APOOL: variants seen among roughly 807,000 people sequenced by gnomAD.
APOOL encodes the protein MICOS complex subunit MIC27.
In APOOL, 12 loss-of-function variants were observed where a neutral mutation model predicts 23.1. That is an observed-to-expected ratio of 0.52 (90% confidence interval 0.33 to 0.84). APOOL has a LOEUF of 0.84. APOOL is among the 40% of genes least tolerant of loss of function. The pLI is 0.02. For missense variants in APOOL, 212 were observed against 199.6 expected, an observed-to-expected ratio of 1.06 and a Z score of -0.37; for synonymous variants, 77 against 69.9, an observed-to-expected ratio of 1.10 and a Z score of -0.51.
rs1473745439 is a variant in APOOL at position 85,019,587 on chromosome X, G to A, written c.15+15660G>A. 4.5e-5 allele frequency among the ~76,000 whole-genome samples: 5 copies of A among 112,280 alleles called. No homozygotes were observed. The East Asian group carries it at 1.4e-3, about 32-fold the overall frequency. ...AGTGCTTAAGGCACAGGTATTTGGA[G>A]TAGCAGCTGACGTGAGGATCTGTGG... On this transcript the variant is annotated intron_variant, in intron 1 of 8. Transcript: ENST00000373173.
chrX:85,010,046 T>C (rs1326108516), intron 1 of APOOL, among the ~76,000 whole-genome samples: 2 of 111,640 alleles, frequency 1.8e-5, no homozygotes, highest in African/African-American at 6.5e-5. Context: ...TCCAATCTGT[T>C]ATTGGTGAAC....
At chrX:85,065,155 C>T (rs1262026431) in intron 5 of APOOL, among the ~76,000 whole-genome samples, 1 of 111,139 alleles carries the variant, frequency 9.0e-6, no homozygotes, top group African/African-American at 3.3e-5. Flanking sequence ...TGTTTTTTGA[C>T]ATCTGTTGGT....
intron 1 of APOOL, among the ~76,000 whole-genome samples, chrX:85,008,192 A>G (rs1921142299): frequency 9.0e-6 from 1 of 111,612 alleles, no homozygotes; most frequent in African/African-American, 3.3e-5. Flanking sequence ...ATGATTTGAT[A>G]TACATATATT....
intron 1 of APOOL, among the ~76,000 whole-genome samples, chrX:85,035,081 T>C (rs1922170951): frequency 9.0e-6 from 1 of 111,659 alleles, no homozygotes; most frequent in Non-Finnish European, 1.9e-5. Flanking sequence ...CCACCATCAG[T>C]GTATAATGTT....
chrX:85,026,855 A>C (rs2147480439), intron 1 of APOOL, among the ~76,000 whole-genome samples: 1 of 111,718 alleles, frequency 9.0e-6, no homozygotes, highest in South Asian at 3.8e-4. Context: ...AGTCTCTAAG[A>C]AGTTCCAGAC....
intron 1 of APOOL, among the ~76,000 whole-genome samples, chrX:85,008,880 T>C (rs763908110): frequency 1.8e-5 from 2 of 111,948 alleles, no homozygotes; most frequent in Non-Finnish European, 1.9e-5. Context: ...TTCCAATTCA[T>C]GAACATAGGA....
chrX:85,070,663 A>C (rs1602788092), intron 6 of APOOL, among the ~76,000 whole-genome samples: 1 of 111,278 alleles, frequency 9.0e-6, no homozygotes, highest in East Asian at 2.8e-4. Context: ...CAATCAAATT[A>C]ACATATCCAT....
chrX:85,042,450 T>C (rs1174259078), intron 1 of APOOL, among the ~76,000 whole-genome samples: 2 of 111,777 alleles, frequency 1.8e-5, no homozygotes, highest in Non-Finnish European at 3.8e-5. Flanking sequence ...AGATGGAAGA[T>C]GTAGTAAAAA....
At position 85,055,867 on chromosome X, in the gene APOOL, T is replaced by C. The variant is rs372536885; in HGVS notation, c.336T>C (p.Leu112=). 3 of 1,201,013 alleles carry C rather than the reference T, an allele frequency of 2.5e-6. No individual in the cohort carries two copies. The African/African-American group carries it at 5.3e-5, about 21-fold the overall frequency. ...VYLKNPPRDF[L]PKMGVITVSG... is the part of the protein sequence containing the mutation. ...TGAAGAATCCTCCTCGAGATTTTCT[T>C]CCGAAAATGGGAGTTATTACAGTTT... is the stretch of plus-strand genomic sequence containing the variant. The change falls in exon 5 of 9, where the codon CTT becomes CTC. Residue 112 remains leucine (L), a synonymous_variant. Coordinates refer to ENST00000373173, the MANE Select transcript of APOOL (RefSeq NM_198450.6).
rs373696224 is a variant in APOOL, at chrX:85,055,781, C to A, written c.296-46C>A. On this transcript the variant is annotated intron_variant, in intron 4 of 8. Coordinates refer to ENST00000373173, the MANE Select transcript of APOOL (RefSeq NM_198450.6). ...CTGCATTATAACTGTATAGAATATC[C>A]AGTAGAATTCAGTTATTCATGTTAA... 8.0e-5 allele frequency: 72 copies of A among 905,037 alleles called. No homozygotes were observed. In the African/African-American group the frequency reaches 1.4e-3, roughly 17 times the overall value. The allele number at this position is 905,037 out of a possible 1,213,427, so 74.6% of individuals were successfully genotyped here. A position where few individuals can be genotyped will look rare whatever the true frequency, so the allele number is the denominator to read the frequency against.
rs780697450 is a variant in APOOL at position 85,032,445 on chromosome X, C to T, written c.16-14001C>T. Among the ~76,000 whole-genome samples the T allele has an allele frequency of 1.5e-3, 164 of 108,108 alleles. 1 individual carries two copies. Among genetic ancestry groups the T allele is most frequent in the African/African-American group, 5.2e-3 (153 of 29,460 alleles). 93.9% of individuals were successfully genotyped at this position (108,108 alleles called of 115,157 possible). The stretch of plus-strand genomic sequence containing the variant: ...AGGAGAATCACTTGAACCTGGGTGG[C>T]GGAGGTTGCAGTGAGCCGAGATCGC... On this transcript the variant is annotated intron_variant, in intron 1 of 8. Transcript: ENST00000373173.
chrX:85,014,255 A>T (rs1380213982), intron 1 of APOOL, among the ~76,000 whole-genome samples: 1 of 111,016 alleles, frequency 9.0e-6, no homozygotes, highest in Non-Finnish European at 1.9e-5. Flanking sequence ...TGGTTGGTGG[A>T]TTTTTATTCA....
At chrX:85,073,577 G>A (rs184952669) in intron 6 of APOOL, among the ~76,000 whole-genome samples, 3 of 111,028 alleles carry the variant, frequency 2.7e-5, no homozygotes, top group African/African-American at 9.8e-5. Flanking sequence ...TTTGTAGCAT[G>A]TTAAAAATCT....
chrX:85,045,943 A>G (rs1922557939), intron 1 of APOOL, among the ~76,000 whole-genome samples: 1 of 111,627 alleles, frequency 9.0e-6, no homozygotes. Flanking sequence ...CAGAGCATTT[A>G]TCAACTTATA....
rs765163850 is a variant in APOOL at position 85,088,237 on chromosome X, A to C, written c.*559A>C. On this transcript the variant is annotated 3_prime_UTR_variant, in exon 9 of 9. Coordinates refer to ENST00000373173, the MANE Select transcript of APOOL (RefSeq NM_198450.6). Reference sequence around the variant, plus strand: ...AAATACATACATATTTATACATATAAACATATATTTCTGCTCTAGCTTTCC... The same window carrying C: ...AAATACATACATATTTATACATATACACATATATTTCTGCTCTAGCTTTCC... 1.9e-5 allele frequency: 1 copy of C among 51,301 alleles called. No homozygotes were observed. Among genetic ancestry groups the C allele is most frequent in the African/African-American group, 9.0e-5 (1 of 11,062 alleles). 4.2% of individuals were successfully genotyped at this position (51,301 alleles called of 1,213,427 possible). A position where few individuals can be genotyped will look rare whatever the true frequency, so the allele number is the denominator to read the frequency against.
intron 3 of APOOL, among the ~76,000 whole-genome samples, chrX:85,053,208 A>G (rs189514705): frequency 2.7e-5 from 3 of 110,980 alleles, no homozygotes; most frequent in Non-Finnish European, 5.7e-5. Flanking sequence ...GCTAAGAAAA[A>G]TTTTTTTTGA....
chrX:85,075,088 A>G (rs949485364), intron 8 of APOOL, among the ~76,000 whole-genome samples: 1 of 110,925 alleles, frequency 9.0e-6, no homozygotes, highest in Non-Finnish European at 1.9e-5. Context: ...ATAGATATCT[A>G]TATAATTACA....
At chrX:85,054,113 G>A (rs750161296) in intron 3 of APOOL, among the ~76,000 whole-genome samples, 1 of 110,803 alleles carries the variant, frequency 9.0e-6, no homozygotes, top group South Asian at 3.8e-4. Context: ...TATTTCATAG[G>A]CACATTATCC....
intron 1 of APOOL, among the ~76,000 whole-genome samples, chrX:85,028,348 A>G (rs1288015167): frequency 2.7e-5 from 3 of 111,926 alleles, no homozygotes; most frequent in African/African-American, 9.7e-5. Flanking sequence ...CTGCCTCACT[A>G]TGATACTCTT....
Sources: gnomAD v4.1 joint callset for allele counts (sites outside exome capture counted in the v4.1 genomes callset) on GRCh38, gnomAD v4.1.1 for gene constraint, MANE v1.5 for transcripts, NCBI Gene and HGNC (gene_info 2026-07-23, HGNC 2026-07-21) for gene names.